BOC: variants seen among roughly 807,000 people sequenced by gnomAD.
BOC encodes the protein brother of CDO.
In BOC, 76 loss-of-function variants were observed where a neutral mutation model predicts 112.0. The ratio of observed to expected loss-of-function variants is 0.68; its 90% CI spans 0.56 to 0.82. The LOEUF (loss-of-function observed/expected upper bound fraction) is 0.82, where lower values mean the gene tolerates loss of function less well. BOC is among the 40% of genes least tolerant of loss of function. The pLI, the probability that BOC is intolerant of heterozygous loss-of-function variation, is 0.00. For missense variants in BOC, 1,309 were observed against 1,511.7 expected (o/e 0.87, Z 2.22); for synonymous variants, 580 against 599.8 (o/e 0.97, Z 0.48).
Position 113,273,348 on chromosome 3 carries a change from G to A in BOC, c.1234+7G>A, listed in dbSNP as rs1352772014. On this transcript the variant is annotated splice_region_variant and intron_variant, in intron 8 of 19. Transcript: ENST00000682979. Reference sequence around the variant, plus strand: ...CTGCGGACCTCCAGGCCAAGTGAGTGTAGCCCAGGGGTCTGAGATTCCAGC... The same window carrying A: ...CTGCGGACCTCCAGGCCAAGTGAGTATAGCCCAGGGGTCTGAGATTCCAGC... 2.5e-6 allele frequency: 4 copies of A among 1,583,500 alleles called. No homozygotes were observed. Among genetic ancestry groups the A allele is most frequent in the Middle Eastern group, 1.7e-4 (1 of 5,986 alleles).
chr3:113,247,868 G>C (rs1451872312), intron 2 of BOC, among the ~76,000 whole-genome samples: 1 of 152,038 alleles, frequency 6.6e-6, no homozygotes, highest in Non-Finnish European at 1.5e-5. Context: ...AAGAGCAAAA[G>C]CTCTCTCTCT....
intron 5 of BOC, chr3:113,270,539 A>G: frequency 2.2e-6 from 1 of 449,092 alleles, no homozygotes; most frequent in Non-Finnish European, 4.0e-6. Flanking sequence ...CTATGCACTA[A>G]GTTGTGGCAG....
intron 4 of BOC, among the ~76,000 whole-genome samples, chr3:113,260,333 G>GACTCAGGA (rs1341403760): frequency 6.6e-6 from 1 of 152,190 alleles, no homozygotes; most frequent in Non-Finnish European, 1.5e-5. Flanking sequence ...ATAAAGCAGG[G>GACTCAGGA]ACTCAGGATA....
rs141847294 is a variant in BOC, at chr3:113,238,933, G to C, written c.-81-10789G>C. Among the ~76,000 whole-genome samples, 536 of 152,320 alleles carry C rather than the reference G, an allele frequency of 3.5e-3. 2 individuals carry two copies. Among genetic ancestry groups the C allele is most frequent in the African/African-American group, 0.012 (488 of 41,562 alleles). ...GAAAGAAGGTAGATGGCAATGCAGA[G>C]GCTGATTAGATGGAGAGAAGACAGT... is the stretch of plus-strand genomic sequence containing the variant. On this transcript the variant is annotated intron_variant, in intron 2 of 19. Transcript: ENST00000682979.
chr3:113,250,326 T>C, intron 3 of BOC, among the ~76,000 whole-genome samples: 1 of 152,234 alleles, frequency 6.6e-6, no homozygotes, highest in Non-Finnish European at 1.5e-5. Flanking sequence ...GACTCAGGTC[T>C]GTCCAAATGC....
At chr3:113,281,452 G>T (rs1949192677) in intron 15 of BOC, among the ~76,000 whole-genome samples, 1 of 152,250 alleles carries the variant, frequency 6.6e-6, no homozygotes, top group East Asian at 1.9e-4. Flanking sequence ...ATGATATTTG[G>T]TGCTTACATG....
At chr3:113,250,501 A>G in intron 3 of BOC, 54 bp from the exon 4 acceptor site, 2 of 1,544,404 alleles carry the variant, frequency 1.3e-6, no homozygotes, top group African/African-American at 1.4e-5. Context: ...TAAAAACGTG[A>G]TGTTGTTTTC....
chr3:113,213,077 G>A (rs1342316022), intron 1 of BOC, among the ~76,000 whole-genome samples: 2 of 152,174 alleles, frequency 1.3e-5, no homozygotes, highest in Non-Finnish European at 2.9e-5. Flanking sequence ...GAACAGAGTT[G>A]TGCTCCTCCA....
At position 113,284,380 on chromosome 3, in the gene BOC, C is replaced by G; in HGVS notation, c.2702C>G (p.Ser901Cys). 3 of 1,614,252 alleles carry G rather than the reference C, an allele frequency of 1.9e-6. No individual in the cohort carries two copies. The highest frequency in any genetic ancestry group is 2.5e-6 in the Non-Finnish European group (3 of 1,180,036). Residue 901 changes from serine to cysteine, a missense_variant, in exon 17 of 20, where the codon TCC becomes TGC. Coordinates refer to ENST00000682979, the MANE Select transcript of BOC (RefSeq NM_001378074.1). ...TTTCCTCGAAGTGCCCTTCCACCCT[C>G]CTGCCCGTATACTATGGTGCCATTG... ...LGFPRSALPPSCPYTMVPLGG... is the reference protein window; with the variant it reads ...LGFPRSALPPCCPYTMVPLGG...
chr3:113,224,698 GC>G (rs1321338988), intron 2 of BOC, among the ~76,000 whole-genome samples: 1 of 152,158 alleles, frequency 6.6e-6, no homozygotes, highest in Non-Finnish European at 1.5e-5. Flanking sequence ...AGTGGCTCAT[GC>G]CTGTAATCTC....
intron 2 of BOC, among the ~76,000 whole-genome samples, chr3:113,226,252 C>T (rs1327341140): frequency 6.6e-6 from 1 of 152,190 alleles, no homozygotes; most frequent in Non-Finnish European, 1.5e-5. Flanking sequence ...TTATCCAGAA[C>T]CTCCCAGTGG....
At chr3:113,247,246 AT>A (rs966190407) in intron 2 of BOC, among the ~76,000 whole-genome samples, 16 of 152,036 alleles carry the variant, frequency 1.1e-4, no homozygotes, top group Admixed American at 1.0e-3. Context: ...GCCTGGGGAA[AT>A]TGGGGCATGA....
chr3:113,271,174 A>G, intron 6 of BOC: 1 of 693,044 alleles, frequency 1.4e-6, no homozygotes. Context: ...GCCTGCTGCC[A>G]CACCTGCCTG....
At chr3:113,262,196 G>A (rs1301951594) in intron 4 of BOC, among the ~76,000 whole-genome samples, 2 of 152,226 alleles carry the variant, frequency 1.3e-5, no homozygotes, top group Non-Finnish European at 1.5e-5. Context: ...TGCCTGCAAA[G>A]GGAGGAGCAG....
intron 4 of BOC, among the ~76,000 whole-genome samples, chr3:113,259,217 A>G (rs1356356635): frequency 6.6e-6 from 1 of 152,234 alleles, no homozygotes; most frequent in Non-Finnish European, 1.5e-5. Context: ...TGCATCTTCT[A>G]CCAAGGACAC....
Position 113,286,891 on chromosome 3 carries a change from A to G in BOC, c.*29A>G, listed in dbSNP as rs753785048. The G allele has an allele frequency of 7.3e-6, 11 of 1,505,820 alleles. No individual in the cohort carries two copies. Among genetic ancestry groups the G allele is most frequent in the Admixed American group, 2.4e-5 (1 of 42,268 alleles). The allele number at this position is 1,505,820 out of a possible 1,614,324, so 93.3% of individuals were successfully genotyped here. ...GAAGCTGATATCCCAGAAAGACTAT[A>G]TATTGTTTTTTTTTTAAAAAAAAAA... On this transcript the variant is annotated 3_prime_UTR_variant, in exon 20 of 20. Coordinates refer to ENST00000682979, the MANE Select transcript of BOC (RefSeq NM_001378074.1).
At chr3:113,252,249 T>G (rs940634550) in intron 4 of BOC, among the ~76,000 whole-genome samples, 1 of 152,148 alleles carries the variant, frequency 6.6e-6, no homozygotes, top group Non-Finnish European at 1.5e-5. Context: ...TGTTGAGACT[T>G]TAATGGTATG....
chr3:113,277,806 G>A (rs1948805580), intron 9 of BOC, among the ~76,000 whole-genome samples: 1 of 152,188 alleles, frequency 6.6e-6, no homozygotes, highest in Non-Finnish European at 1.5e-5. Flanking sequence ...GAAGGTCTTT[G>A]GAGGAGTTCT....
At chr3:113,277,713 T>C (rs1948798798) in intron 9 of BOC, among the ~76,000 whole-genome samples, 1 of 152,224 alleles carries the variant, frequency 6.6e-6, no homozygotes, top group South Asian at 2.1e-4. Context: ...CTCATTAGAA[T>C]ATAAGCAGAG....
Sources: gnomAD v4.1 joint callset for allele counts (sites outside exome capture counted in the v4.1 genomes callset) on GRCh38, gnomAD v4.1.1 for gene constraint, MANE v1.5 for transcripts, NCBI Gene and HGNC (gene_info 2026-07-23, HGNC 2026-07-21) for gene names.